Variants in PNPLA8 observed in about 807,000 individuals in gnomAD.
PNPLA8 encodes calcium-independent phospholipase A2-gamma.
In PNPLA8, 39 loss-of-function variants were observed where a neutral mutation model predicts 76.9. The ratio of observed to expected loss-of-function variants is 0.51; its 90% CI spans 0.39 to 0.66. The LOEUF is 0.66. Among genes scored for constraint, PNPLA8 ranks in the 30% least tolerant of loss-of-function variants. PNPLA8 has a pLI of 0.00. For synonymous variants in PNPLA8, 301 were observed against 307.9 expected, an observed-to-expected ratio of 0.98 and a Z score of 0.24; for missense variants, 887 against 918.0, an observed-to-expected ratio of 0.97 and a Z score of 0.44.
rs903255366 is a variant in PNPLA8, at chr7:108,471,070, T to C, written c.*1331A>G. On this transcript the variant is annotated 3_prime_UTR_variant, in exon 11 of 11. Transcript: ENST00000257694. The stretch of plus-strand genomic sequence containing the variant: ...TTTCTTAAGAAATCAAAACATTCCA[T>C]GTAAGGATTTATGTGACAAATAGAT... 2 of 152,154 alleles carry C rather than the reference T, an allele frequency of 1.3e-5. No individual in the cohort carries two copies. The highest frequency in any genetic ancestry group is 2.9e-5 in the Non-Finnish European group (2 of 68,032). The allele number at this position is 152,154 out of a possible 1,614,324, so 9.4% of individuals were successfully genotyped here.
intron 4 of PNPLA8, among the ~76,000 whole-genome samples, chr7:108,513,181 C>G (rs914839395): frequency 6.6e-6 from 1 of 152,066 alleles, no homozygotes; most frequent in African/African-American, 2.4e-5. Flanking sequence ...GTATGTAATT[C>G]TATTTAAGAT....
At chr7:108,503,076 T>C (rs1862083173) in intron 4 of PNPLA8, among the ~76,000 whole-genome samples, 1 of 152,210 alleles carries the variant, frequency 6.6e-6, no homozygotes, top group South Asian at 2.1e-4. Context: ...ACATTGCATA[T>C]GGGATTCAAG....
At chr7:108,502,838 T>C (rs1862065195) in intron 4 of PNPLA8, 196 bp from the exon 5 acceptor site, 2 of 386,962 alleles carry the variant, frequency 5.2e-6, no homozygotes, top group Admixed American at 4.4e-5. Flanking sequence ...TGTTCTAATA[T>C]TGAGGACAAA....
rs545790251 is a variant in PNPLA8, at chr7:108,524,152, A to C, written c.-130+1877T>G. ...CAGCAGAAACCACAACATTAGACGT[A>C]TTTACCAGATGATAGTTTACAGTAA... On this transcript the variant is annotated intron_variant, in intron 1 of 10. Transcript: ENST00000257694. 7.2e-5 allele frequency among the ~76,000 whole-genome samples: 11 copies of C among 152,360 alleles called. No homozygotes were observed. In the South Asian group the frequency reaches 1.7e-3, roughly 23 times the overall value.
At chr7:108,526,817 G>C (rs1263644330), upstream of PNPLA8, among the ~76,000 whole-genome samples, 1 of 152,164 alleles carries the variant, frequency 6.6e-6, no homozygotes, top group Non-Finnish European at 1.5e-5. Flanking sequence ...ACAGCCCTCA[G>C]GGCAAATCCA....
chr7:108,473,392 T>A (rs970639314), intron 10 of PNPLA8, among the ~76,000 whole-genome samples: 11 of 152,312 alleles, frequency 7.2e-5, no homozygotes, highest in Admixed American at 5.2e-4. Context: ...ACATAAGTCT[T>A]CATGTGCATA....
chr7:108,496,356 T>C (rs1350211163), intron 7 of PNPLA8: 2 of 344,204 alleles, frequency 5.8e-6, no homozygotes, highest in Admixed American at 4.9e-5. Flanking sequence ...CAATTGCAAC[T>C]TTTACATGCA....
chr7:108,493,547 G>A (rs1861339882), intron 7 of PNPLA8, among the ~76,000 whole-genome samples: 1 of 148,310 alleles, frequency 6.7e-6, no homozygotes, highest in South Asian at 2.1e-4. Context: ...TGGGACTACA[G>A]GCGCCCGCCC....
Position 108,515,533 on chromosome 7 carries a change from T to C in PNPLA8, c.-42A>G. On this transcript the variant is annotated 5_prime_UTR_variant, in exon 3 of 11. Coordinates refer to ENST00000257694, the MANE Select transcript of PNPLA8 (RefSeq NM_001256007.3). ...ATTTTCTATGACATTCTCTCACTTC[T>C]TGAACGCTTCATTTAAGAAATGCCA... 7.5e-7 allele frequency: 1 copy of C among 1,332,598 alleles called. No individual in the cohort carries two copies. The highest frequency in any genetic ancestry group is 9.6e-7 in the Non-Finnish European group (1 of 1,037,536). 82.5% of individuals were successfully genotyped at this position (1,332,598 alleles called of 1,614,324 possible).
Position 108,479,422 on chromosome 7 carries a change from C to CA in PNPLA8, c.1879-44dup, listed in dbSNP as rs758491771. The CA allele has an allele frequency of 1.0e-5, 14 of 1,373,256 alleles. No individual in the cohort carries two copies. The African/African-American group carries it at 1.9e-4, about 18-fold the overall frequency. 85.1% of individuals were successfully genotyped at this position (1,373,256 alleles called of 1,614,324 possible). ...AAAAAAGAAACTTTTAAAACTGACT[C>CA]ACGGGGAAAGCTGAACTATGTAATA... is the stretch of plus-strand genomic sequence containing the variant. On this transcript the variant is annotated intron_variant, in intron 9 of 10. Coordinates refer to ENST00000257694, the MANE Select transcript of PNPLA8 (RefSeq NM_001256007.3).
In PNPLA8 at chr7:108,514,855, A is replaced by T; in HGVS notation, c.637T>A (p.Ser213Thr). Residue 213 changes from serine to threonine, a missense_variant, in exon 3 of 11, where the codon TCA becomes ACA. Transcript: ENST00000257694. ...SFYFLSNHIN[S>T]YFKRKEKMSQ... is the part of the protein sequence containing the mutation. The stretch of plus-strand genomic sequence containing the variant: ...ATTTTTTCCTTACGTTTGAAATATG[A>T]ATTAATATGATTTGATAAAAAGTAG... The T allele has an allele frequency of 6.2e-7, 1 of 1,610,862 alleles. No homozygotes were observed. Among genetic ancestry groups the T allele is most frequent in the Non-Finnish European group, 8.5e-7 (1 of 1,177,550 alleles).
At position 108,482,016 on chromosome 7, in the gene PNPLA8, C is replaced by G. The variant is rs562393443; in HGVS notation, c.1879-2637G>C. 7.2e-5 allele frequency among the ~76,000 whole-genome samples: 11 copies of G among 152,198 alleles called. No individual in the cohort carries two copies. The East Asian group carries it at 2.1e-3, about 29-fold the overall frequency. ...GTATCTTTGTCAAAGATCAAATGGC[C>G]ATATATGTGGGAGTCTATTTCTGAA... On this transcript the variant is annotated intron_variant, in intron 9 of 10. Coordinates refer to ENST00000257694, the MANE Select transcript of PNPLA8 (RefSeq NM_001256007.3).
At chr7:108,522,776 A>T (rs1425833363) in intron 1 of PNPLA8, among the ~76,000 whole-genome samples, 1 of 152,234 alleles carries the variant, frequency 6.6e-6, no homozygotes, top group East Asian at 1.9e-4. Context: ...TGACGAATTT[A>T]TGAAACCACC....
At chr7:108,472,865 A>G (rs917935709) in intron 10 of PNPLA8, among the ~76,000 whole-genome samples, 190 bp from the exon 11 acceptor site, 1 of 152,200 alleles carries the variant, frequency 6.6e-6, no homozygotes, top group African/African-American at 2.4e-5. Flanking sequence ...GATAAAATTC[A>G]TCTTCCAAAA....
chr7:108,519,490 G>C (rs1022607165), intron 2 of PNPLA8, among the ~76,000 whole-genome samples: 1 of 152,184 alleles, frequency 6.6e-6, no homozygotes, highest in African/African-American at 2.4e-5. Flanking sequence ...GATTGAGAGA[G>C]AGGTAGATGA....
chr7:108,497,746 C>T (rs1222338932), intron 5 of PNPLA8, among the ~76,000 whole-genome samples, 169 bp from the exon 6 acceptor site: 1 of 151,682 alleles, frequency 6.6e-6, no homozygotes, highest in African/African-American at 2.4e-5. Flanking sequence ...TTTAGTATTA[C>T]TTTTGAAAAT....
At position 108,471,641 on chromosome 7, in the gene PNPLA8, T is replaced by C. The variant is rs1859637404; in HGVS notation, c.*760A>G. The C allele has an allele frequency of 6.6e-6, 1 of 152,232 alleles. No homozygotes were observed. Among genetic ancestry groups the C allele is most frequent in the Non-Finnish European group, 1.5e-5 (1 of 68,038 alleles). 9.4% of individuals were successfully genotyped at this position (152,232 alleles called of 1,614,324 possible). The stretch of plus-strand genomic sequence containing the variant: ...TTAACAACAGATTATTTAAATAGTT[T>C]ATTTTTGTTAATGATAGGAATATCT... On this transcript the variant is annotated 3_prime_UTR_variant, in exon 11 of 11. Transcript: ENST00000257694.
intron 9 of PNPLA8, among the ~76,000 whole-genome samples, chr7:108,482,223 T>C (rs991966127): frequency 2.0e-5 from 3 of 152,250 alleles, no homozygotes; most frequent in African/African-American, 7.2e-5. Context: ...GTAATCCCAG[T>C]ACTTTGGGGA....
chr7:108,487,564 A>G (rs1380153482), intron 9 of PNPLA8, among the ~76,000 whole-genome samples, 195 bp downstream of exon 9: 3 of 152,192 alleles, frequency 2.0e-5, no homozygotes, highest in African/African-American at 7.2e-5. Context: ...CTTTCTTAAA[A>G]TATGTTTGCA....
Sources: gnomAD v4.1 joint callset for allele counts (sites outside exome capture counted in the v4.1 genomes callset) on GRCh38, gnomAD v4.1.1 for gene constraint, MANE v1.5 for transcripts, NCBI Gene and HGNC (gene_info 2026-07-23, HGNC 2026-07-21) for gene names.